The following TBC1D22A variants were observed in gnomAD, a reference collection of about 807,000 sequenced individuals.
The protein encoded by TBC1D22A is putative GTPase activator.
In TBC1D22A, 38 loss-of-function variants were observed where a neutral mutation model predicts 60.2. That is an observed-to-expected ratio of 0.63 (90% CI 0.49 to 0.83). TBC1D22A has a LOEUF of 0.83. Among genes scored for constraint, TBC1D22A ranks in the 40% least tolerant of loss-of-function variants. The probability of loss-of-function intolerance (pLI) is 0.00; values close to 1 mark genes in which losing one functional copy is unlikely to be tolerated. For missense variants in TBC1D22A, 628 were observed against 701.0 expected (o/e 0.90, Z 1.18); for synonymous variants, 302 against 281.7 (o/e 1.07, Z -0.72).
intron 11 of TBC1D22A, among the ~76,000 whole-genome samples, chr22:47,083,879 C>G (rs1381364599): frequency 1.3e-5 from 2 of 152,194 alleles, no homozygotes; most frequent in Non-Finnish European, 2.9e-5. Flanking sequence ...ATTGACAACT[C>G]TAAATGCTAG....
chr22:46,946,320 A>G (rs531822694), intron 8 of TBC1D22A, among the ~76,000 whole-genome samples: 5 of 152,328 alleles, frequency 3.3e-5, no homozygotes, highest in South Asian at 2.1e-4. Flanking sequence ...CAGCACACAC[A>G]GGCTTCTCCC....
At chr22:46,944,433 C>T (rs1341135540) in intron 8 of TBC1D22A, among the ~76,000 whole-genome samples, 1 of 152,078 alleles carries the variant, frequency 6.6e-6, no homozygotes, top group Non-Finnish European at 1.5e-5. Context: ...GAGTCTTGCT[C>T]CGTCTCCCAG....
chr22:47,030,765 T>A (rs1378888601), intron 10 of TBC1D22A, among the ~76,000 whole-genome samples: 2 of 152,256 alleles, frequency 1.3e-5, no homozygotes, highest in Non-Finnish European at 2.9e-5. Flanking sequence ...TCGCAATTAC[T>A]TATAAAATAA....
At chr22:47,046,098 T>G (rs2063024212) in intron 11 of TBC1D22A, among the ~76,000 whole-genome samples, 1 of 152,098 alleles carries the variant, frequency 6.6e-6, no homozygotes, top group Non-Finnish European at 1.5e-5. Flanking sequence ...TCCCTGGGCC[T>G]CTGGGTGATG....
chr22:46,963,380 A>ATCACACTGCCTGACCTGGGTCCCGC (rs1555971754), intron 8 of TBC1D22A, among the ~76,000 whole-genome samples: 1 of 151,380 alleles, frequency 6.6e-6, no homozygotes, highest in Non-Finnish European at 1.5e-5. Context: ...CGCAGTGCCC[A>ATCACACTGCCTGACCTGGGTCCCGC]AGGCTGGAAA....
chr22:46,959,962 C>G (rs2073408597), intron 8 of TBC1D22A, among the ~76,000 whole-genome samples: 1 of 152,196 alleles, frequency 6.6e-6, no homozygotes, highest in African/African-American at 2.4e-5. Flanking sequence ...TGTCCACAGG[C>G]TCCTTTTGAA....
intron 9 of TBC1D22A, among the ~76,000 whole-genome samples, chr22:46,987,260 C>T (rs184273726): frequency 3.4e-4 from 52 of 152,238 alleles, no homozygotes; most frequent in Non-Finnish European, 5.3e-4. Context: ...GCCGGAGTGG[C>T]ATTGGTCACC....
chr22:46,813,574 A>G (rs2085470564), intron 4 of TBC1D22A, among the ~76,000 whole-genome samples: 1 of 152,238 alleles, frequency 6.6e-6, no homozygotes, highest in Non-Finnish European at 1.5e-5. Context: ...CTACCAGGCG[A>G]GGCACAGGGG....
At chr22:46,781,055 G>A (rs903588549) in intron 1 of TBC1D22A, among the ~76,000 whole-genome samples, 13 of 151,546 alleles carry the variant, frequency 8.6e-5, no homozygotes, top group African/African-American at 2.9e-4. Context: ...CCCCTGCCCC[G>A]ACCCCCACAA....
intron 12 of TBC1D22A, among the ~76,000 whole-genome samples, chr22:47,143,062 C>G (rs2067165978): frequency 6.6e-6 from 1 of 151,922 alleles, no homozygotes; most frequent in Non-Finnish European, 1.5e-5. Context: ...TAAGAACCAC[C>G]CAACTCCCCA....
intron 8 of TBC1D22A, among the ~76,000 whole-genome samples, chr22:46,944,613 T>C (rs1331049287): frequency 6.6e-6 from 1 of 152,236 alleles, no homozygotes; most frequent in Non-Finnish European, 1.5e-5. Context: ...TTAGCCAGGA[T>C]GGTCTTGATC....
chr22:46,883,755 CCTGG>C (rs2072707181), intron 5 of TBC1D22A, among the ~76,000 whole-genome samples: 1 of 152,232 alleles, frequency 6.6e-6, no homozygotes, highest in Non-Finnish European at 1.5e-5. Flanking sequence ...GGCCTTCTCT[CCTGG>C]CTGCTGCACA....
intron 12 of TBC1D22A, among the ~76,000 whole-genome samples, chr22:47,145,743 A>G (rs2147157875): frequency 6.6e-6 from 1 of 152,186 alleles, no homozygotes; most frequent in South Asian, 2.1e-4. Context: ...CCAGTTTTGA[A>G]CTCAGGTCTT....
At chr22:47,110,465 C>T (rs191970966) in intron 11 of TBC1D22A, among the ~76,000 whole-genome samples, 126 of 152,224 alleles carry the variant, frequency 8.3e-4, no homozygotes, top group African/African-American at 2.8e-3. Context: ...GGCAACAGAG[C>T]GAAATTCCAT....
chr22:46,885,689 C>A (rs6007983), intron 5 of TBC1D22A, among the ~76,000 whole-genome samples: 3 of 152,158 alleles, frequency 2.0e-5, no homozygotes, highest in South Asian at 4.2e-4. Context: ...TCACTGCCCC[C>A]CCTTGTAATT....
intron 1 of TBC1D22A, among the ~76,000 whole-genome samples, chr22:46,791,941 A>G (rs2084428238): frequency 1.3e-5 from 2 of 152,020 alleles, no homozygotes; most frequent in Non-Finnish European, 2.9e-5. Flanking sequence ...TTGTATTTTT[A>G]GTAGAGACAG....
intron 12 of TBC1D22A, among the ~76,000 whole-genome samples, chr22:47,127,840 C>T (rs1277143824): frequency 6.6e-6 from 1 of 151,634 alleles, no homozygotes; most frequent in Non-Finnish European, 1.5e-5. Flanking sequence ...TGTTGGTTCT[C>T]TTCAGGGCAA....
chr22:47,123,790 TTGTGCCTTTG>T, intron 12 of TBC1D22A, among the ~76,000 whole-genome samples: 1 of 152,344 alleles, frequency 6.6e-6, no homozygotes, highest in South Asian at 2.1e-4. Context: ...CTGAAGTGAA[TTGTGCCTTTG>T]TGTGCGGGTT....
intron 10 of TBC1D22A, among the ~76,000 whole-genome samples, chr22:47,027,548 G>A (rs1016308973): frequency 1.3e-5 from 2 of 152,042 alleles, no homozygotes; most frequent in Non-Finnish European, 2.9e-5. Context: ...GAATCCTCAT[G>A]GCTTAGCCTG....
Sources: gnomAD v4.1 joint callset for allele counts (sites outside exome capture counted in the v4.1 genomes callset) on GRCh38, gnomAD v4.1.1 for gene constraint, MANE v1.5 for transcripts, NCBI Gene and HGNC (gene_info 2026-07-23, HGNC 2026-07-21) for gene names.